MBD5: variants seen among roughly 807,000 people sequenced by gnomAD.
The protein encoded by MBD5 is methyl-CpG-binding domain protein 5.
A neutral mutation model predicts 117.3 loss-of-function variants in MBD5; 13 were observed. The ratio of observed to expected loss-of-function variants is 0.11; its 90% CI spans 0.07 to 0.18. The LOEUF (loss-of-function observed/expected upper bound fraction) is 0.18. Ranked by LOEUF, MBD5 falls within the 10% of genes least tolerant of loss-of-function variation. The pLI is 1.00. For synonymous variants in MBD5, 727 were observed against 766.4 expected (o/e 0.95, Z 0.85); for missense variants, 1,879 against 2,093.8 (o/e 0.90, Z 2.00).
chr2:148,406,674 C>A (rs72618902), intron 4 of MBD5, among the ~76,000 whole-genome samples: 28,327 of 152,136 alleles, frequency 0.19, 2,779 homozygotes, highest in Middle Eastern at 0.24. Flanking sequence ...CATGCCAGTC[C>A]CACTTTCCTC....
rs746692198 is a variant in MBD5, at chr2:148,469,540, C to T, written c.1597C>T (p.Leu533=). The T allele has an allele frequency of 4.3e-6, 7 of 1,613,794 alleles. No homozygotes were observed. The East Asian group carries it at 1.3e-4, about 31-fold the overall frequency. ...NPLIAGISNV[L]NTPSSAAFPT... is the part of the protein sequence containing the mutation. ...ATTAATTGCTGGAATAAGTAATGTA[C>T]TAAATACCCCAAGCAGTGCAGCTTT... is the stretch of plus-strand genomic sequence containing the variant. The change falls in exon 8 of 14, where the codon CTA becomes TTA. Residue 533 remains leucine (L), a synonymous_variant. Coordinates refer to ENST00000642680, the MANE Select transcript of MBD5 (RefSeq NM_001378120.1).
At chr2:148,145,356 G>A (rs1401839659) in intron 1 of MBD5, among the ~76,000 whole-genome samples, 8 of 152,124 alleles carry the variant, frequency 5.3e-5, no homozygotes, top group South Asian at 2.1e-4. Flanking sequence ...GGGCTGAGAC[G>A]ATGGAGTTTT....
chr2:148,483,428 C>A lies in MBD5; in HGVS notation c.2837C>A (p.Ala946Glu). Residue 946 changes from alanine (A) to glutamate (E), a missense_variant, in exon 9 of 14, where the codon GCA becomes GAA. This residue lies in a region of MBD5 where 1,666 missense variants were observed against 1,792.2 expected (regional missense o/e 0.93). Transcript: ENST00000642680. The part of the protein sequence containing the change: ...QNLLNILQPS[A>E]GEGKSEINLH... ...CTATTAAATATCCTCCAGCCTTCAGCAGGAGAAGGCAAGTCTGAGATCAAC... is the reference window on the plus strand; with the variant it reads ...CTATTAAATATCCTCCAGCCTTCAGAAGGAGAAGGCAAGTCTGAGATCAAC... 6.2e-7 allele frequency: 1 copy of A among 1,614,034 alleles called. No individual in the cohort carries two copies. The highest frequency in any genetic ancestry group is 8.5e-7 in the Non-Finnish European group (1 of 1,179,900).
intron 2 of MBD5, among the ~76,000 whole-genome samples, chr2:148,221,260 C>T (rs796152620): frequency 1.4e-4 from 21 of 152,150 alleles, no homozygotes; most frequent in African/African-American, 4.3e-4. Context: ...CTCTTCGATA[C>T]GCTGATTTCT....
chr2:148,228,474 G>A (rs1312024077), intron 2 of MBD5, among the ~76,000 whole-genome samples: 2 of 152,166 alleles, frequency 1.3e-5, no homozygotes, highest in East Asian at 3.8e-4. Flanking sequence ...CTTGATCATG[G>A]TGGATAAGCT....
At chr2:148,201,624 A>G (rs1242800457) in intron 2 of MBD5, among the ~76,000 whole-genome samples, 1 of 152,122 alleles carries the variant, frequency 6.6e-6, no homozygotes, top group Admixed American at 6.5e-5. Context: ...GTCGGTCCGA[A>G]GTTCTTGTCC....
chr2:148,407,746 G>A (rs1171278940), intron 4 of MBD5, among the ~76,000 whole-genome samples: 3 of 152,036 alleles, frequency 2.0e-5, no homozygotes, highest in Non-Finnish European at 2.9e-5. Context: ...TTATTTGAGG[G>A]TTTCAGGGCT....
chr2:148,141,937 C>A (rs1224197371), intron 1 of MBD5, among the ~76,000 whole-genome samples: 6 of 152,068 alleles, frequency 3.9e-5, no homozygotes, highest in African/African-American at 1.4e-4. Context: ...GATTGTGCCA[C>A]TGTACCCCAG....
rs538553368 is a variant in MBD5, at chr2:148,211,449, C to T, written c.-830-21796C>T. Among the ~76,000 whole-genome samples the T allele has an allele frequency of 3.2e-4, 48 of 152,228 alleles. No individual in the cohort carries two copies. The South Asian group carries it at 6.8e-3, about 22-fold the overall frequency. On this transcript the variant is annotated intron_variant, in intron 2 of 13. Transcript: ENST00000642680. The stretch of plus-strand genomic sequence containing the variant: ...ATTAACTCTTTAAAACTACTTTCAG[C>T]GTTTGATTGAAATTTTCGATTTTTG...
intron 3 of MBD5, among the ~76,000 whole-genome samples, chr2:148,260,289 A>G (rs1329831282): frequency 6.6e-6 from 1 of 152,224 alleles, no homozygotes; most frequent in African/African-American, 2.4e-5. Flanking sequence ...CTTCACCAAG[A>G]GTAGATTCCT....
chr2:148,395,480 G>A (rs111791523), intron 4 of MBD5, among the ~76,000 whole-genome samples: 1,854 of 145,446 alleles, frequency 0.013, 48 homozygotes, highest in African/African-American at 0.045. Flanking sequence ...GCTGGAGTGC[G>A]GTGGCGCAAT....
rs1574510944 is a variant in MBD5, at chr2:148,514,681, A to G, written c.*1740A>G. The G allele has an allele frequency of 2.0e-5, 3 of 152,386 alleles. No individual in the cohort carries two copies. The highest frequency in any genetic ancestry group is 4.4e-5 in the Non-Finnish European group (3 of 68,138). 9.4% of individuals were successfully genotyped at this position (152,386 alleles called of 1,614,324 possible). On this transcript the variant is annotated 3_prime_UTR_variant, in exon 14 of 14. Transcript: ENST00000642680. ...ACCACCCAAACTCCTCAGTCCTGTC[A>G]TGTAGCAGAGTTCCAGTAACTCAGG...
chr2:148,060,882 AC>A (rs1396738389), intron 1 of MBD5, among the ~76,000 whole-genome samples: 1 of 152,108 alleles, frequency 6.6e-6, no homozygotes, highest in African/African-American at 2.4e-5. Flanking sequence ...TCATTGGCTA[AC>A]CAAAGAGGCT....
intron 9 of MBD5, among the ~76,000 whole-genome samples, chr2:148,484,502 G>A (rs1681272605): frequency 6.6e-6 from 1 of 152,142 alleles, no homozygotes; most frequent in Admixed American, 6.5e-5. Flanking sequence ...TAGTTGGTGT[G>A]GCATCACAGG....
At chr2:148,043,036 C>T (rs970939448) in intron 1 of MBD5, among the ~76,000 whole-genome samples, 12 of 151,944 alleles carry the variant, frequency 7.9e-5, no homozygotes, top group Non-Finnish European at 1.3e-4. Context: ...TGTGAGTGCT[C>T]TGAAAACGAA....
At chr2:148,076,288 G>A (rs950996831) in intron 1 of MBD5, among the ~76,000 whole-genome samples, 7 of 152,134 alleles carry the variant, frequency 4.6e-5, no homozygotes, top group African/African-American at 1.7e-4. Flanking sequence ...CATGTAGCCT[G>A]AAGAAGCAAT....
At chr2:148,305,333 A>C (rs908442670) in intron 3 of MBD5, among the ~76,000 whole-genome samples, 1 of 152,202 alleles carries the variant, frequency 6.6e-6, no homozygotes, top group African/African-American at 2.4e-5. Context: ...TTAAATAATA[A>C]AAGTCCATTC....
intron 3 of MBD5, among the ~76,000 whole-genome samples, chr2:148,319,487 C>A (rs912454702): frequency 6.6e-6 from 1 of 152,012 alleles, no homozygotes; most frequent in African/African-American, 2.4e-5. Flanking sequence ...AAATATATTT[C>A]TAGGTTTTTG....
intron 4 of MBD5, among the ~76,000 whole-genome samples, chr2:148,413,010 G>A (rs1048881087): frequency 6.6e-6 from 1 of 152,124 alleles, no homozygotes; most frequent in African/African-American, 2.4e-5. Flanking sequence ...TAGGAGTGGT[G>A]AGAATAGACA....
Sources: gnomAD v4.1 joint callset for allele counts (sites outside exome capture counted in the v4.1 genomes callset) on GRCh38, gnomAD v4.1.1 for gene constraint, gnomAD v4.1.1 regional missense constraint, MANE v1.5 for transcripts, NCBI Gene and HGNC (gene_info 2026-07-23, HGNC 2026-07-21) for gene names.